The following RAD52 variants were observed in gnomAD, a reference collection of about 807,000 sequenced individuals.
The protein encoded by RAD52 is RAD52 DNA repair protein, also known as DNA repair protein RAD52 homolog.
Under a neutral mutation model 55.5 loss-of-function variants are expected in RAD52, and 47 were observed. The ratio of observed to expected loss-of-function variants is 0.85; its 90% CI spans 0.67 to 1.08. RAD52 has a LOEUF of 1.08. RAD52 is among the 50% of genes least tolerant of loss of function. The pLI, the probability that RAD52 is intolerant of heterozygous loss-of-function variation, is 0.00. For missense variants in RAD52, 468 were observed against 522.8 expected (o/e 0.90, Z 1.02); for synonymous variants, 184 against 198.9 (o/e 0.92, Z 0.63).
chr12:989,697 T>G (rs1479124440), intron 1 of RAD52: 1 of 152,212 alleles, frequency 6.6e-6, no homozygotes, highest in Admixed American at 6.5e-5. Flanking sequence ...CAAACCTCAC[T>G]TTACAGTTAA....
chr12:928,938 C>T (rs1957184876), intron 5 of RAD52, among the ~76,000 whole-genome samples: 1 of 151,376 alleles, frequency 6.6e-6, no homozygotes, highest in South Asian at 2.1e-4. Context: ...AATCACAGCT[C>T]ACCACAGCCT....
Position 930,112 on chromosome 12 carries a change from A to T in RAD52, c.219T>A (p.Asn73Lys). The T allele has an allele frequency of 1.2e-6, 2 of 1,614,094 alleles. No homozygotes were observed. The highest frequency in any genetic ancestry group is 1.7e-6 in the Non-Finnish European group (2 of 1,179,958). Residue 73 changes from asparagine to lysine, a missense_variant, in exon 4 of 12, where the codon AAT becomes AAA. Asn to Lys is a moderately conservative substitution (Grantham distance 94). Coordinates refer to ENST00000358495, the MANE Select transcript of RAD52 (RefSeq NM_134424.4). ...TGTAACCAAACATCTCATTGGCCAG[A>T]TTAATTACCCGATGACCCTCAATGT... ...VCYIEGHRVI[N>K]LANEMFGYNG...
intron 1 of RAD52, among the ~76,000 whole-genome samples, chr12:972,709 T>C (rs1405691833): frequency 1.4e-5 from 2 of 138,150 alleles, no homozygotes; most frequent in East Asian, 4.3e-4. Context: ...GAGGTTGCAG[T>C]GAGCTGAGAT....
At chr12:946,149 C>T (rs770084177) in intron 1 of RAD52, among the ~76,000 whole-genome samples, 6 of 152,160 alleles carry the variant, frequency 3.9e-5, no homozygotes, top group Non-Finnish European at 8.8e-5. Flanking sequence ...ATCCCCAACA[C>T]TCAGCACAGT....
intron 1 of RAD52, among the ~76,000 whole-genome samples, chr12:980,034 C>CAA (rs1565714588): frequency 2.4e-4 from 36 of 151,566 alleles, no homozygotes; most frequent in Non-Finnish European, 4.3e-4. Flanking sequence ...ATTAAAAATA[C>CAA]GAAAATTTGC....
intron 1 of RAD52, among the ~76,000 whole-genome samples, chr12:939,525 T>C (rs1957813924): frequency 6.6e-6 from 1 of 152,188 alleles, no homozygotes; most frequent in African/African-American, 2.4e-5. Flanking sequence ...TAGCCAAGAT[T>C]ATGGCAGCTA....
chr12:950,045 G>A (rs1958481327), upstream of RAD52, among the ~76,000 whole-genome samples: 1 of 152,202 alleles, frequency 6.6e-6, no homozygotes, highest in African/African-American at 2.4e-5. Flanking sequence ...CATGCCCAGT[G>A]CCCATTAGGA....
intron 1 of RAD52, among the ~76,000 whole-genome samples, chr12:968,198 A>G (rs145026372): frequency 6.6e-6 from 1 of 152,278 alleles, no homozygotes; most frequent in African/African-American, 2.4e-5. Context: ...GAAATTAACC[A>G]AAGGCTTGCT....
At chr12:952,869 G>C (rs1958547827), upstream of RAD52, among the ~76,000 whole-genome samples, 1 of 131,396 alleles carries the variant, frequency 7.6e-6, no homozygotes, top group Admixed American at 8.0e-5. Context: ...TTGAGCCTGG[G>C]CGACAAGAAC....
chr12:943,925 G>A (rs1257405745), intron 1 of RAD52, among the ~76,000 whole-genome samples: 5 of 151,940 alleles, frequency 3.3e-5, no homozygotes, highest in African/African-American at 1.2e-4. Context: ...AATAGGTCTG[G>A]GCGGGGCCCG....
chr12:962,765 G>C (rs1179932218), intron 1 of RAD52, among the ~76,000 whole-genome samples: 1 of 152,062 alleles, frequency 6.6e-6, no homozygotes, highest in Non-Finnish European at 1.5e-5. Flanking sequence ...CCAGGCTGGA[G>C]TGCAGTGGCA....
At position 933,034 on chromosome 12, in the gene RAD52, G is replaced by A; in HGVS notation, c.25C>T (p.Leu9Phe). Reference protein sequence around the residue: MSGTEEAILGGRDSHPAAG... With the variant: MSGTEEAIFGGRDSHPAAG... The stretch of plus-strand genomic sequence containing the variant: ...GCAGGATGGCTGTCACGTCCTCCAA[G>A]AATTGCTTCCTCAGTCCCAGACATC... The change falls in exon 2 of 12, where the codon CTT (leucine) becomes TTT (phenylalanine). Residue 9 changes from leucine to phenylalanine, a missense_variant. By Grantham distance (22) the Leu-to-Phe change is conservative (BLOSUM62 0). Coordinates refer to ENST00000358495, the MANE Select transcript of RAD52 (RefSeq NM_134424.4). 6.2e-7 allele frequency: 1 copy of A among 1,613,172 alleles called. No individual in the cohort carries two copies. The highest frequency in any genetic ancestry group is 8.5e-7 in the Non-Finnish European group (1 of 1,179,746).
At chr12:971,057 T>C (rs1173308120) in intron 1 of RAD52, among the ~76,000 whole-genome samples, 1 of 152,182 alleles carries the variant, frequency 6.6e-6, no homozygotes, top group Admixed American at 6.6e-5. Flanking sequence ...TCATTGCATA[T>C]GCAAAGATAA....
chr12:969,593 C>A (rs1958813887), intron 1 of RAD52, among the ~76,000 whole-genome samples: 1 of 151,532 alleles, frequency 6.6e-6, no homozygotes, highest in African/African-American at 2.4e-5. Context: ...TTGAGACCAG[C>A]CTGGGCAACA....
intron 1 of RAD52, among the ~76,000 whole-genome samples, chr12:968,234 A>T (rs551281233): frequency 6.6e-6 from 1 of 152,246 alleles, no homozygotes; most frequent in Admixed American, 6.5e-5. Flanking sequence ...GGCATTTATC[A>T]AGACAAATGG....
chr12:972,238 T>TG (rs1958869315), intron 1 of RAD52, among the ~76,000 whole-genome samples: 1 of 151,964 alleles, frequency 6.6e-6, no homozygotes, highest in African/African-American at 2.4e-5. Flanking sequence ...TACATTTCAG[T>TG]GGGGGAGACT....
chr12:984,667 A>C (rs1364782620), intron 1 of RAD52, among the ~76,000 whole-genome samples: 3 of 149,866 alleles, frequency 2.0e-5, no homozygotes, highest in African/African-American at 4.9e-5. Flanking sequence ...AATACAAAAG[A>C]CTTTTTTTTT....
intron 1 of RAD52, among the ~76,000 whole-genome samples, chr12:944,891 C>T (rs1958126297): frequency 6.6e-6 from 1 of 151,394 alleles, no homozygotes; most frequent in Non-Finnish European, 1.5e-5. Flanking sequence ...GTCAGGTGGA[C>T]TCTGGATATA....
intron 1 of RAD52, among the ~76,000 whole-genome samples, chr12:970,095 G>A (rs1273112246): frequency 6.6e-6 from 1 of 151,630 alleles, no homozygotes; most frequent in African/African-American, 2.4e-5. Context: ...ATCACCTGAG[G>A]TCAGGAGTTC....
Sources: gnomAD v4.1 joint callset for allele counts (sites outside exome capture counted in the v4.1 genomes callset) on GRCh38, gnomAD v4.1.1 for gene constraint, MANE v1.5 for transcripts, NCBI Gene and HGNC (gene_info 2026-07-23, HGNC 2026-07-21) for gene names.